Variants in SLC25A39 observed in about 807,000 individuals in gnomAD.
SLC25A39 encodes the protein mitochondrial glutathione transporter SLC25A39.
SLC25A39 carries 44 observed loss-of-function variants against 46.6 expected under a neutral mutation model. The ratio of observed to expected loss-of-function variants is 0.94; its 90% CI spans 0.74 to 1.21. The LOEUF is 1.21. Among genes scored for constraint, SLC25A39 ranks in the 50% most tolerant of loss-of-function variants. The pLI, the probability that SLC25A39 is intolerant of heterozygous loss-of-function variation, is 0.00. For missense variants in SLC25A39, 487 were observed against 473.0 expected (o/e 1.03, Z -0.28); for synonymous variants, 218 against 190.6 (o/e 1.14, Z -1.19).
chr17:44,322,813 G>A lies in SLC25A39; in HGVS notation c.185C>T (p.Thr62Ile), dbSNP rs2048094131. 1.2e-6 allele frequency: 2 copies of A among 1,614,044 alleles called. No homozygotes were observed. Among genetic ancestry groups the A allele is most frequent in the Non-Finnish European group, 1.7e-6 (2 of 1,179,972 alleles). ...CTGTGGCTTGGGGCACTCACATTTGGTATAGGAGAGGCTCCACAGTCTGGA... is the reference window on the plus strand; with the variant it reads ...CTGTGGCTTGGGGCACTCACATTTGATATAGGAGAGGCTCCACAGTCTGGA... Reference protein sequence around the residue: ...PSSRLWSLSYTKLPSSLQSTG... With the variant: ...PSSRLWSLSYIKLPSSLQSTG... The change falls in exon 4 of 12, where the codon ACC becomes ATC. Residue 62 changes from threonine (T) to isoleucine (I), a missense_variant. Coordinates refer to ENST00000377095, the MANE Select transcript of SLC25A39 (RefSeq NM_001143780.3).
In SLC25A39 at chr17:44,322,418, C is replaced by T; in HGVS notation, c.324+1G>A. ...TCCCTACGGACCCAGCTGCTCCTCA[C>T]CATGGTGCCAGTGAAGCGGGTAGGG... On this transcript the variant is annotated splice_donor_variant, in intron 5 of 11. Transcript: ENST00000377095. LOFTEE classifies it high-confidence loss of function. The T allele has an allele frequency of 6.2e-7, 1 of 1,614,114 alleles. No individual in the cohort carries two copies. Among genetic ancestry groups the T allele is most frequent in the Non-Finnish European group, 8.5e-7 (1 of 1,180,006 alleles).
At chr17:44,323,629 G>A (rs1268637902) in intron 1 of SLC25A39, 52 bp from the exon 2 acceptor site, 11 of 1,344,966 alleles carry the variant, frequency 8.2e-6, no homozygotes, top group South Asian at 1.3e-5. Context: ...CAGGAAAGGA[G>A]GCTGGGCCAC....
rs113619044 is a variant in SLC25A39 at position 44,319,824 on chromosome 17, T to C, written c.*177A>G. ...CCACGACTGGAGCAGCAGGAAGAAGTTGTGTCTGAGGAAGTGCTGGGCCGC... is the reference window on the plus strand; with the variant it reads ...CCACGACTGGAGCAGCAGGAAGAAGCTGTGTCTGAGGAAGTGCTGGGCCGC... On this transcript the variant is annotated 3_prime_UTR_variant, in exon 12 of 12. Transcript: ENST00000377095. 1.8e-4 allele frequency: 105 copies of C among 596,154 alleles called. 1 individual carries two copies. The highest frequency in any genetic ancestry group is 1.2e-3 in the African/African-American group (67 of 53,686). The allele number at this position is 596,154 out of a possible 1,614,324, so 36.9% of individuals were successfully genotyped here.
chr17:44,323,434 GCCCCATCCCCACC>G, intron 2 of SLC25A39, 31 bp downstream of exon 2: 7 of 1,367,868 alleles, frequency 5.1e-6, no homozygotes, highest in Non-Finnish European at 7.0e-6. Flanking sequence ...TCTCCGGTCT[GCCCCATCCCCACC>G]CGCCCCCACC....
At chr17:44,322,779 C>T in intron 4 of SLC25A39, 29 bp downstream of exon 4, 1 of 1,613,928 alleles carries the variant, frequency 6.2e-7, no homozygotes. Context: ...TTGCACCCTC[C>T]CATGCTCCCT....
chr17:44,323,262 T>C (rs1448113483), intron 3 of SLC25A39, 22 bp downstream of exon 3: 1 of 1,613,354 alleles, frequency 6.2e-7, no homozygotes, highest in African/African-American at 1.3e-5. Flanking sequence ...CACCCCTCAC[T>C]AGTTCCAGGT....
chr17:44,320,424 GC>G lies in SLC25A39; in HGVS notation c.813del (p.Leu272Ter), dbSNP rs1372850861. On this transcript the variant is annotated frameshift_variant, in exon 10 of 12. Coordinates refer to ENST00000377095, the MANE Select transcript of SLC25A39 (RefSeq NM_001143780.3). LOFTEE classifies it high-confidence loss of function. Reference protein sequence around the residue: ...AGGISGTVAAVLTLPFDVVKT... With the variant: ...AGGISGTVAAXLTLPFDVVKT... ...TTTACCACGTCAAAGGGTAGAGTCA[GC>G]ACTGCAGCCACCTGGTGGGGTGGGC... is the stretch of plus-strand genomic sequence containing the variant. The G allele has an allele frequency of 6.2e-7, 1 of 1,613,600 alleles. No homozygotes were observed. The highest frequency in any genetic ancestry group is 1.7e-5 in the Admixed American group (1 of 60,022).
rs771454802 is a variant in SLC25A39 at position 44,320,115 on chromosome 17, G to A, written c.966C>T (p.Gly322=). 6.2e-7 allele frequency: 1 copy of A among 1,614,070 alleles called. No homozygotes were observed. Among genetic ancestry groups the A allele is most frequent in the Non-Finnish European group, 8.5e-7 (1 of 1,180,006 alleles). Reference sequence around the variant, plus strand: ...CAGCCTTGATGATCCGAGGAAGGAAGCCTGCAGTGGAAAGGAGGCCCGTGT... The same window carrying A: ...CAGCCTTGATGATCCGAGGAAGGAAACCTGCAGTGGAAAGGAGGCCCGTGT... The part of the protein sequence containing the change: ...AESGTKGLFA[G]FLPRIIKAAP... The change falls in exon 12 of 12, where the codon GGC becomes GGT. Residue 322 remains glycine, a splice_region_variant and synonymous_variant. Transcript: ENST00000377095.
rs2048127136 is a variant in SLC25A39, at chr17:44,323,505, T to C, written c.58A>G (p.Thr20Ala). The change falls in exon 2 of 12, where the codon ACC (threonine) becomes GCC (alanine). Residue 20 changes from threonine to alanine, a missense_variant. Thr to Ala is a moderately conservative substitution (Grantham distance 58, BLOSUM62 0). Transcript: ENST00000377095. ...SPLQQMVASG[T>A]GAVVTSLFMT... The stretch of plus-strand genomic sequence containing the variant: ...AAGAGAGAGGTAACCACAGCCCCGG[T>C]GCCTGAGGCCACCATTTGCTGGAGG... The C allele has an allele frequency of 7.5e-7, 1 of 1,339,212 alleles. No individual in the cohort carries two copies. Among genetic ancestry groups the C allele is most frequent in the African/African-American group, 1.6e-5 (1 of 61,488 alleles). 83.0% of individuals were successfully genotyped at this position (1,339,212 alleles called of 1,614,324 possible). A position where few individuals can be genotyped will look rare whatever the true frequency, so the allele number is the denominator to read the frequency against.
At chr17:44,321,351 AGGTTGGGGCTGGGAGCTGGGACTGACTG>A (rs1485970656) in intron 7 of SLC25A39, 55 bp downstream of exon 7, 6 of 1,600,912 alleles carry the variant, frequency 3.7e-6, no homozygotes, top group Non-Finnish European at 3.4e-6. Flanking sequence ...AGGCTGGCAG[AGGTTGGGGCTGGGAGCTGGGACTGACTG>A]GGTTTGGGCC....
intron 1 of SLC25A39, chr17:44,324,014 C>T (rs2048147307): frequency 5.2e-6 from 1 of 193,302 alleles, no homozygotes; most frequent in Non-Finnish European, 1.1e-5. Context: ...TGGCAATGAC[C>T]TCTAAAGCAG....
chr17:44,320,622 C>T lies in SLC25A39; in HGVS notation c.801G>A (p.Thr267=), dbSNP rs766673966. The change falls in exon 9 of 12, where the codon ACG becomes ACA. Residue 267 remains threonine, a splice_region_variant and synonymous_variant. Transcript: ENST00000377095. ...MSFVAGGISG[T]VAAVLTLPFD... ...CTCACCTCCAGCCCAGTCCACTCAC[C>T]GTCCCTGAGATGCCACCAGCCACAA... 6.2e-6 allele frequency: 10 copies of T among 1,613,394 alleles called. No individual in the cohort carries two copies. Among genetic ancestry groups the T allele is most frequent in the East Asian group, 4.5e-5 (2 of 44,894 alleles).
At chr17:44,323,439 A>AACCCCCCCCCCCCCCCCCCCCCC in intron 2 of SLC25A39, 39 bp downstream of exon 2, 2 of 257,110 alleles carry the variant, frequency 7.8e-6, no homozygotes, top group Non-Finnish European at 1.1e-5. Context: ...GGTCTGCCCC[A>AACCCCCCCCCCCCCCCCCCCCCC]TCCCCACCCG....
chr17:44,320,580 G>A (rs2047997371), intron 9 of SLC25A39, 42 bp downstream of exon 9: 1 of 1,597,184 alleles, frequency 6.3e-7, no homozygotes, highest in Non-Finnish European at 8.6e-7. Flanking sequence ...GCCCCCCGCA[G>A]GGAGACCTCC....
In SLC25A39 at chr17:44,320,017, C is replaced by G; in HGVS notation, c.1064G>C (p.Arg355Pro). 1 of 1,613,958 alleles carries G rather than the reference C, an allele frequency of 6.2e-7. No homozygotes were observed. The highest frequency in any genetic ancestry group is 1.1e-5 in the South Asian group (1 of 91,078). The change falls in exon 12 of 12, where the codon CGG (arginine) becomes CCG (proline). Residue 355 changes from arginine (R) to proline (P), a missense_variant. Transcript: ENST00000377095. ...TTGCCCCTTTCAGCCGCCCAGAAGC[C>G]GGTCCTGGTTCAGCCTCTGGAAGAA... ...KSFFQRLNQD[R>P]LLGG
At chr17:44,323,690 G>C in intron 1 of SLC25A39, 113 bp from the exon 2 acceptor site, 1 of 724,630 alleles carries the variant, frequency 1.4e-6, no homozygotes, top group South Asian at 1.8e-5. Flanking sequence ...CTGTTGCCAG[G>C]CTGGAGTGCA....
chr17:44,323,154 C>T, intron 3 of SLC25A39, 130 bp downstream of exon 3: 1 of 1,140,658 alleles, frequency 8.8e-7, no homozygotes, highest in Non-Finnish European at 1.3e-6. Flanking sequence ...AACTCCTGAT[C>T]TCAGGTGATC....
rs1253857896 is a variant in SLC25A39, at chr17:44,320,088, G to T, written c.993C>A (p.Ala331=). 1.2e-6 allele frequency: 2 copies of T among 1,613,994 alleles called. No individual in the cohort carries two copies. The highest frequency in any genetic ancestry group is 1.3e-5 in the African/African-American group (1 of 74,924). The change falls in exon 12 of 12, where the codon GCC becomes GCA. Residue 331 remains alanine, a synonymous_variant. Coordinates refer to ENST00000377095, the MANE Select transcript of SLC25A39 (RefSeq NM_001143780.3). Reference sequence around the variant, plus strand: ...TGCTGATCATGATGGCACAGGAGGGGGCAGCCTTGATGATCCGAGGAAGGA... The same window carrying T: ...TGCTGATCATGATGGCACAGGAGGGTGCAGCCTTGATGATCCGAGGAAGGA... ...AGFLPRIIKA[A]PSCAIMISTY...
At chr17:44,323,438 C>CCCA in intron 2 of SLC25A39, 40 bp downstream of exon 2, 28 of 1,257,650 alleles carry the variant, frequency 2.2e-5, no homozygotes, top group Middle Eastern at 2.7e-4. Flanking sequence ...CGGTCTGCCC[C>CCCA]ATCCCCACCC....
Sources: allele counts gnomAD v4.1 joint callset, GRCh38; gene constraint gnomAD v4.1.1; transcripts MANE v1.5; gene names NCBI Gene and HGNC (gene_info 2026-07-23, HGNC 2026-07-21).